TGFBR2: variants seen among roughly 807,000 people sequenced by gnomAD.
TGFBR2 encodes TGF-beta receptor type-2.
Under a neutral mutation model 49.0 loss-of-function variants are expected in TGFBR2, and 18 were observed. The observed-to-expected ratio is 0.37, with a 90% CI of 0.25 to 0.54. TGFBR2 has a LOEUF of 0.54. TGFBR2 is among the 20% of genes least tolerant of loss of function. The pLI is 0.85. For synonymous variants in TGFBR2, 282 were observed against 275.9 expected, an observed-to-expected ratio of 1.02 and a Z score of -0.22; for missense variants, 525 against 722.6, an observed-to-expected ratio of 0.73 and a Z score of 3.13.
chr3:30,663,004 G>A (rs1448912824), intron 3 of TGFBR2, among the ~76,000 whole-genome samples: 1 of 152,230 alleles, frequency 6.6e-6, no homozygotes, highest in African/African-American at 2.4e-5. Flanking sequence ...TGCATTTCCA[G>A]TAAGTTCCCA....
At chr3:30,617,902 T>C (rs1328536067) in intron 1 of TGFBR2, among the ~76,000 whole-genome samples, 1 of 152,234 alleles carries the variant, frequency 6.6e-6, no homozygotes, top group Admixed American at 6.5e-5. Context: ...AAAACACTGC[T>C]GTAATAGCAT....
chr3:30,616,273 G>C (rs1698131201), intron 1 of TGFBR2, among the ~76,000 whole-genome samples: 1 of 152,134 alleles, frequency 6.6e-6, no homozygotes, highest in Admixed American at 6.5e-5. Context: ...ACTGAAATCT[G>C]CATTGTTATT....
chr3:30,610,796 T>C (rs188372358), intron 1 of TGFBR2, among the ~76,000 whole-genome samples: 294 of 152,354 alleles, frequency 1.9e-3, no homozygotes, highest in Admixed American at 7.2e-3. Context: ...AACTCCTTAA[T>C]TGGGCTTACC....
intron 3 of TGFBR2, among the ~76,000 whole-genome samples, chr3:30,653,250 C>CTTTTTTTTT (rs3076740): frequency 1.1e-4 from 13 of 113,436 alleles, no homozygotes; most frequent in Non-Finnish European, 1.4e-4. Context: ...GGAATGAAAA[C>CTTTTTTTTT]TTTTTTTTTT....
At chr3:30,620,342 C>T (rs538862491) in intron 1 of TGFBR2, among the ~76,000 whole-genome samples, 3 of 152,154 alleles carry the variant, frequency 2.0e-5, no homozygotes, top group Admixed American at 2.0e-4. Flanking sequence ...TTTTAAAGGC[C>T]GAGGAAACTT....
intron 3 of TGFBR2, among the ~76,000 whole-genome samples, chr3:30,665,160 A>G (rs1339277529): frequency 6.6e-6 from 1 of 152,218 alleles, no homozygotes; most frequent in Non-Finnish European, 1.5e-5. Context: ...AAGCGAGAGT[A>G]TATATGCAAC....
intron 1 of TGFBR2, among the ~76,000 whole-genome samples, chr3:30,640,451 A>G (rs1325093592): frequency 3.3e-5 from 5 of 152,192 alleles, no homozygotes; most frequent in African/African-American, 1.2e-4. Context: ...CAAAATCTAC[A>G]GATGTTTAAC....
intron 1 of TGFBR2, among the ~76,000 whole-genome samples, chr3:30,620,095 G>A (rs1448744557): frequency 6.6e-6 from 1 of 152,188 alleles, no homozygotes; most frequent in Non-Finnish European, 1.5e-5. Flanking sequence ...GCTGAGGCAG[G>A]AGAATGGCGT....
intron 5 of TGFBR2, 91 bp from the exon 6 acceptor site, chr3:30,688,293 A>G: frequency 6.4e-7 from 1 of 1,562,496 alleles, no homozygotes; most frequent in Non-Finnish European, 8.8e-7. Context: ...TTAGTGCTTC[A>G]TGCTCCCCAG....
intron 1 of TGFBR2, among the ~76,000 whole-genome samples, chr3:30,642,852 G>A (rs1698670125): frequency 6.6e-6 from 1 of 152,138 alleles, no homozygotes; most frequent in South Asian, 2.1e-4. Context: ...AGTTCAGAGA[G>A]TATTTCTGCC....
chr3:30,678,148 CTG>C (rs1253962732), intron 5 of TGFBR2, among the ~76,000 whole-genome samples: 2 of 152,126 alleles, frequency 1.3e-5, no homozygotes, highest in East Asian at 1.9e-4. Context: ...GGCTCTGAGT[CTG>C]TGTGCTTGTG....
intron 1 of TGFBR2, among the ~76,000 whole-genome samples, chr3:30,634,348 A>C (rs550388214): frequency 3.1e-4 from 47 of 152,326 alleles, no homozygotes; most frequent in African/African-American, 1.1e-3. Context: ...TTAAATCCTA[A>C]ATGAATAACT....
chr3:30,628,244 A>G (rs116636025), intron 1 of TGFBR2, among the ~76,000 whole-genome samples: 1,667 of 152,106 alleles, frequency 0.011, 18 homozygotes, highest in East Asian at 0.031. Flanking sequence ...ATAAACCGTT[A>G]CAAACTTCTC....
intron 3 of TGFBR2, among the ~76,000 whole-genome samples, chr3:30,660,842 G>A (rs927147662): frequency 6.6e-6 from 1 of 152,232 alleles, no homozygotes; most frequent in African/African-American, 2.4e-5. Flanking sequence ...TGGATGGCAA[G>A]GTTTGGGTGC....
chr3:30,656,492 GT>G (rs1473229574), intron 3 of TGFBR2, among the ~76,000 whole-genome samples: 1 of 152,222 alleles, frequency 6.6e-6, no homozygotes, highest in Non-Finnish European at 1.5e-5. Context: ...TGAAGGAGAT[GT>G]TTGGTGGCCT....
chr3:30,624,570 C>T (rs912484595), intron 1 of TGFBR2, among the ~76,000 whole-genome samples: 3 of 151,432 alleles, frequency 2.0e-5, no homozygotes, highest in African/African-American at 7.3e-5. Context: ...GAGCTGAGAT[C>T]GTGCCACTGC....
At chr3:30,607,799 A>AAAAAAAAAT (rs1367214755) in intron 1 of TGFBR2, among the ~76,000 whole-genome samples, 2 of 138,320 alleles carry the variant, frequency 1.4e-5, no homozygotes, top group African/African-American at 5.4e-5. Context: ...AAAATAAAAA[A>AAAAAAAAAT]ATATATATAT....
intron 1 of TGFBR2, among the ~76,000 whole-genome samples, chr3:30,623,799 C>A (rs1004082663): frequency 6.6e-5 from 10 of 152,176 alleles, no homozygotes; most frequent in Non-Finnish European, 1.3e-4. Context: ...GTATTATTAT[C>A]TTTGGCTTCC....
At chr3:30,689,695 G>C (rs2125453547) in intron 6 of TGFBR2, among the ~76,000 whole-genome samples, 1 of 152,338 alleles carries the variant, frequency 6.6e-6, no homozygotes, top group Middle Eastern at 3.4e-3. Context: ...AAAACTGTAA[G>C]AATATTTTGC....
Sources: allele counts gnomAD v4.1 joint callset (sites outside exome capture counted in the v4.1 genomes callset), GRCh38; gene constraint gnomAD v4.1.1; transcripts MANE v1.5; gene names NCBI Gene and HGNC (gene_info 2026-07-23, HGNC 2026-07-21).